The following EVI5 variants were observed in gnomAD, a reference collection of about 807,000 sequenced individuals.
EVI5 encodes the protein ecotropic viral integration site 5 protein homolog.
EVI5 carries 73 observed loss-of-function variants against 112.0 expected under a neutral mutation model. That is an observed-to-expected ratio of 0.65 (90% CI 0.54 to 0.79). The LOEUF (loss-of-function observed/expected upper bound fraction) is 0.79, where lower values mean the gene tolerates loss of function less well. EVI5 is among the 30% of genes least tolerant of loss of function. EVI5 has a pLI of 0.00. For synonymous variants in EVI5, 305 were observed against 319.9 expected (o/e 0.95, Z 0.50); for missense variants, 900 against 968.8 (o/e 0.93, Z 0.94).
chr1:92,703,854 C>G, intron 3 of EVI5: 1 of 335,038 alleles, frequency 3.0e-6, no homozygotes, highest in Non-Finnish European at 5.1e-6. Flanking sequence ...AGTGTGTGAC[C>G]TCTTAAGGTA....
intron 1 of EVI5, among the ~76,000 whole-genome samples, chr1:92,744,434 A>G (rs1218159990): frequency 1.3e-5 from 2 of 152,002 alleles, no homozygotes; most frequent in Non-Finnish European, 2.9e-5. Context: ...TTTGTCTATT[A>G]CTCCTTACAC....
chr1:92,677,099 C>T, intron 10 of EVI5, 59 bp downstream of exon 10: 1 of 1,001,828 alleles, frequency 1.0e-6, no homozygotes. Flanking sequence ...CTTTAAACAT[C>T]TACTGTCCAA....
chr1:92,579,070 T>C lies in EVI5; in HGVS notation c.2071-15333A>G, dbSNP rs541793814. 3.3e-3 allele frequency among the ~76,000 whole-genome samples: 507 copies of C among 152,288 alleles called. 5 individuals are homozygous for C. Among genetic ancestry groups the C allele is most frequent in the Non-Finnish European group, 5.1e-3 (348 of 68,016 alleles). On this transcript the variant is annotated intron_variant, in intron 18 of 19. Coordinates refer to ENST00000684568, the MANE Select transcript of EVI5 (RefSeq NM_001350197.2). ...GATCATAGCAGGACATGTGCTAGAA[T>C]TGTTTTTCTAAAAATGCAGTACTTA...
intron 14 of EVI5, among the ~76,000 whole-genome samples, chr1:92,632,471 G>C (rs1657388254): frequency 6.6e-6 from 1 of 152,200 alleles, no homozygotes; most frequent in African/African-American, 2.4e-5. Flanking sequence ...GCATAGAGAT[G>C]TTTATAGTAT....
chr1:92,723,026 C>T (rs989880458), intron 2 of EVI5, among the ~76,000 whole-genome samples: 6 of 152,152 alleles, frequency 3.9e-5, no homozygotes, highest in African/African-American at 1.4e-4. Context: ...ATTCCTGGGG[C>T]TCAATTAAGC....
At chr1:92,675,814 G>C (rs919492609) in intron 10 of EVI5, among the ~76,000 whole-genome samples, 4 of 151,892 alleles carry the variant, frequency 2.6e-5, no homozygotes, top group African/African-American at 9.7e-5. Context: ...AAATTAGGCG[G>C]GCTTGGTGGC....
At chr1:92,519,778 C>T (rs6603980) in intron 19 of EVI5, among the ~76,000 whole-genome samples, 129,228 of 151,610 alleles carry the variant, frequency 0.85, 55,450 homozygotes, top group East Asian at 0.97. Context: ...CGCCTGTAAT[C>T]CCAGCTACTT....
At chr1:92,760,856 A>AC (rs1456490653) in intron 1 of EVI5, among the ~76,000 whole-genome samples, 1 of 152,024 alleles carries the variant, frequency 6.6e-6, no homozygotes, top group African/African-American at 2.4e-5. Flanking sequence ...GGAGATCGAG[A>AC]CCATCCTGGC....
chr1:92,675,520 C>T (rs529652962), intron 10 of EVI5, among the ~76,000 whole-genome samples: 3 of 151,812 alleles, frequency 2.0e-5, no homozygotes, highest in African/African-American at 4.8e-5. Flanking sequence ...GTGAAATGAA[C>T]AGGATGGCTT....
At chr1:92,649,427 CT>C (rs1474540785) in intron 13 of EVI5, among the ~76,000 whole-genome samples, 1 of 152,204 alleles carries the variant, frequency 6.6e-6, no homozygotes, top group African/African-American at 2.4e-5. Flanking sequence ...GAACCAATAT[CT>C]AAAACCACTG....
At chr1:92,692,805 C>G (rs1231112922) in intron 9 of EVI5, among the ~76,000 whole-genome samples, 1 of 152,138 alleles carries the variant, frequency 6.6e-6, no homozygotes, top group East Asian at 1.9e-4. Context: ...CATATTGCAG[C>G]AGAAAAACTG....
chr1:92,585,666 T>C (rs1672662011), intron 18 of EVI5, among the ~76,000 whole-genome samples: 1 of 152,158 alleles, frequency 6.6e-6, no homozygotes, highest in South Asian at 2.1e-4. Flanking sequence ...TTAGATACTT[T>C]TTAGAAAAGT....
At chr1:92,759,490 A>C (rs1358260490) in intron 1 of EVI5, among the ~76,000 whole-genome samples, 2 of 152,202 alleles carry the variant, frequency 1.3e-5, no homozygotes, top group African/African-American at 4.8e-5. Flanking sequence ...AAAACATATA[A>C]AATTTGCCAT....
chr1:92,578,479 G>A (rs1671420775), intron 18 of EVI5, among the ~76,000 whole-genome samples: 1 of 152,082 alleles, frequency 6.6e-6, no homozygotes. Context: ...ACTATGGGAG[G>A]CTGAGGCGGG....
chr1:92,519,013 A>C (rs1424608552), intron 19 of EVI5, among the ~76,000 whole-genome samples: 1 of 152,204 alleles, frequency 6.6e-6, no homozygotes, highest in Non-Finnish European at 1.5e-5. Context: ...TGTGAGGCTA[A>C]GTAAGAGTTA....
At chr1:92,533,025 A>T (rs1663159773) in intron 19 of EVI5, among the ~76,000 whole-genome samples, 1 of 150,646 alleles carries the variant, frequency 6.6e-6, no homozygotes. Context: ...GAAAAGATCA[A>T]CAAAATAGAC....
intron 2 of EVI5, among the ~76,000 whole-genome samples, chr1:92,716,124 G>C (rs998367046): frequency 3.6e-4 from 55 of 152,252 alleles, no homozygotes; most frequent in African/African-American, 1.3e-3. Flanking sequence ...TCCCATCATG[G>C]TGTTTGAGCT....
chr1:92,674,666 C>T (rs1159728132), intron 10 of EVI5, among the ~76,000 whole-genome samples: 2 of 150,564 alleles, frequency 1.3e-5, no homozygotes, highest in African/African-American at 4.9e-5. Flanking sequence ...GCACATGTAT[C>T]CCAGAACTTA....
At chr1:92,738,158 T>C (rs1049604318) in intron 1 of EVI5, among the ~76,000 whole-genome samples, 1 of 152,094 alleles carries the variant, frequency 6.6e-6, no homozygotes, top group Middle Eastern at 3.2e-3. Context: ...AGGAACCAAA[T>C]AATAATTTAG....
Sources: gnomAD v4.1 joint callset for allele counts (sites outside exome capture counted in the v4.1 genomes callset) on GRCh38, gnomAD v4.1.1 for gene constraint, MANE v1.5 for transcripts, NCBI Gene and HGNC (gene_info 2026-07-23, HGNC 2026-07-21) for gene names.